The following MAD1L1 variants were observed in gnomAD, a reference collection of about 807,000 sequenced individuals.
MAD1L1 encodes the protein mitotic spindle assembly checkpoint protein MAD1.
In MAD1L1, 95 loss-of-function variants were observed where a neutral mutation model predicts 96.9. That is an observed-to-expected ratio of 0.98 (90% CI 0.83 to 1.16). MAD1L1 has a LOEUF of 1.16. Ranked by LOEUF, MAD1L1 falls within the 50% of genes most tolerant of loss-of-function variation. The pLI is 0.00. For missense variants in MAD1L1, 1,007 were observed against 954.4 expected (o/e 1.06, Z -0.73); for synonymous variants, 473 against 396.6 (o/e 1.19, Z -2.29).
intron 18 of MAD1L1, among the ~76,000 whole-genome samples, chr7:1,864,014 T>G (rs1355558519): frequency 1.1e-4 from 2 of 18,526 alleles, no homozygotes; most frequent in African/African-American, 9.1e-4. Flanking sequence ...TTAAAACTAC[T>G]CTGGAGGAGC....
intron 18 of MAD1L1, chr7:1,838,589 C>T (rs1442999823): frequency 8.9e-5 from 32 of 360,134 alleles, no homozygotes; most frequent in Admixed American, 7.3e-4. Flanking sequence ...AGAGACCACT[C>T]GCCGCTGAGC....
intron 13 of MAD1L1, among the ~76,000 whole-genome samples, chr7:2,010,588 C>T (rs2128496387): frequency 6.6e-6 from 1 of 152,338 alleles, no homozygotes; most frequent in East Asian, 1.9e-4. Context: ...TGCAAGACGG[C>T]AAAACTTCAC....
intron 18 of MAD1L1, among the ~76,000 whole-genome samples, chr7:1,864,620 T>C (rs1446947119): frequency 6.6e-6 from 1 of 152,202 alleles, no homozygotes; most frequent in Non-Finnish European, 1.5e-5. Context: ...CCTTCCCCCA[T>C]GCGGGGCTGT....
At chr7:2,174,473 T>A (rs1790854661) in intron 10 of MAD1L1, among the ~76,000 whole-genome samples, 2 of 152,186 alleles carry the variant, frequency 1.3e-5, no homozygotes, top group South Asian at 4.1e-4. Context: ...TAGAAGAGGA[T>A]GACGCTCAAG....
intron 14 of MAD1L1, among the ~76,000 whole-genome samples, chr7:1,997,829 G>C (rs931978321): frequency 1.3e-5 from 2 of 152,214 alleles, no homozygotes; most frequent in African/African-American, 2.4e-5. Context: ...TCCTCTGAAG[G>C]GCTTTGCATG....
chr7:2,219,570 A>C, intron 5 of MAD1L1, 114 bp from the exon 6 acceptor site: 2 of 1,043,826 alleles, frequency 1.9e-6, no homozygotes, highest in Non-Finnish European at 2.7e-6. Flanking sequence ...TGCTATAATC[A>C]GGGCAGGAGG....
intron 17 of MAD1L1, among the ~76,000 whole-genome samples, chr7:1,901,955 T>C (rs1206451187): frequency 6.6e-6 from 1 of 152,198 alleles, no homozygotes; most frequent in African/African-American, 2.4e-5. Context: ...TGCTACCACC[T>C]TGCAGGGATG....
intron 18 of MAD1L1, among the ~76,000 whole-genome samples, chr7:1,864,536 G>A (rs1309905139): frequency 6.6e-6 from 1 of 152,214 alleles, no homozygotes; most frequent in African/African-American, 2.4e-5. Flanking sequence ...ACAGTTGCTG[G>A]GCAATTTGTC....
At chr7:2,007,581 G>A (rs1465876655) in intron 13 of MAD1L1, among the ~76,000 whole-genome samples, 1 of 152,248 alleles carries the variant, frequency 6.6e-6, no homozygotes, top group African/African-American at 2.4e-5. Context: ...TACCAAGGCA[G>A]GAGAATCACT....
intron 10 of MAD1L1, among the ~76,000 whole-genome samples, chr7:2,199,000 C>A (rs73041325): frequency 1.3e-5 from 2 of 152,218 alleles, no homozygotes; most frequent in East Asian, 1.9e-4. Flanking sequence ...TGGGATCCCC[C>A]CTTCACAGTC....
chr7:2,012,721 A>G (rs1782358957), intron 13 of MAD1L1, among the ~76,000 whole-genome samples: 1 of 152,164 alleles, frequency 6.6e-6, no homozygotes, highest in Non-Finnish European at 1.5e-5. Flanking sequence ...GGGCTCACCC[A>G]TAGGTGGGGA....
intron 18 of MAD1L1, among the ~76,000 whole-genome samples, chr7:1,822,737 T>G (rs1359422036): frequency 6.6e-6 from 1 of 151,692 alleles, no homozygotes; most frequent in African/African-American, 2.4e-5. Context: ...ATTTTTTTTT[T>G]TTTTTTTTGG....
At chr7:2,186,800 T>C (rs867346476) in intron 10 of MAD1L1, among the ~76,000 whole-genome samples, 45 of 151,712 alleles carry the variant, frequency 3.0e-4, no homozygotes, top group Middle Eastern at 3.4e-3. Flanking sequence ...TTCTTTTTTT[T>C]TTTTTTTCTC....
chr7:1,888,583 T>C (rs1786327447), intron 18 of MAD1L1, among the ~76,000 whole-genome samples: 1 of 151,998 alleles, frequency 6.6e-6, no homozygotes, highest in South Asian at 2.1e-4. Flanking sequence ...CATGTGAGCA[T>C]GCATGCGTGC....
chr7:2,206,728 C>G (rs1792614189), intron 10 of MAD1L1, among the ~76,000 whole-genome samples: 1 of 152,166 alleles, frequency 6.6e-6, no homozygotes, highest in South Asian at 2.1e-4. Flanking sequence ...ATAACTTGTT[C>G]TTTTTTGAAA....
intron 10 of MAD1L1, among the ~76,000 whole-genome samples, chr7:2,202,310 G>A (rs760340007): frequency 5.3e-5 from 8 of 152,246 alleles, no homozygotes; most frequent in Non-Finnish European, 1.0e-4. Context: ...GGGTTGAGAA[G>A]AGGAGAGATG....
At chr7:1,931,230 C>A (rs961552332) in intron 17 of MAD1L1, among the ~76,000 whole-genome samples, 1 of 147,202 alleles carries the variant, frequency 6.8e-6, no homozygotes, top group Admixed American at 6.8e-5. Context: ...CACGGGAACA[C>A]CCCCAACTCC....
intron 11 of MAD1L1, among the ~76,000 whole-genome samples, chr7:2,084,025 G>A (rs934107070): frequency 2.2e-4 from 34 of 152,306 alleles, no homozygotes; most frequent in African/African-American, 7.0e-4. Context: ...CACCCAACTC[G>A]GAGAAGAATG....
At chr7:2,191,139 A>G (rs949996881) in intron 10 of MAD1L1, among the ~76,000 whole-genome samples, 1 of 152,238 alleles carries the variant, frequency 6.6e-6, no homozygotes, top group Non-Finnish European at 1.5e-5. Context: ...TTCAGAAAAC[A>G]TTCTGCCAGT....
Sources: allele counts gnomAD v4.1 joint callset (sites outside exome capture counted in the v4.1 genomes callset), GRCh38; gene constraint gnomAD v4.1.1; transcripts MANE v1.5; gene names NCBI Gene and HGNC (gene_info 2026-07-23, HGNC 2026-07-21).